The following BIRC3 variants were observed in gnomAD, a reference collection of about 807,000 sequenced individuals.
The protein encoded by BIRC3 is baculoviral IAP repeat-containing protein 3.
Under a neutral mutation model 59.0 loss-of-function variants are expected in BIRC3, and 26 were observed. The observed-to-expected ratio is 0.44, with a 90% confidence interval of 0.32 to 0.61. BIRC3 has a LOEUF of 0.61. BIRC3 is among the 20% of genes least tolerant of loss of function. BIRC3 has a pLI of 0.04. For synonymous variants in BIRC3, 243 were observed against 249.2 expected (o/e 0.98, Z 0.24); for missense variants, 641 against 711.5 (o/e 0.90, Z 1.13).
rs202144370 is a variant in BIRC3 at position 102,328,955 on chromosome 11, A to G, written c.1081+10A>G. ...AATGCAGAGTCATCAAGTAAGTACAATGGATAATAATGAATGCATTTAAAT... is the reference window on the plus strand; with the variant it reads ...AATGCAGAGTCATCAAGTAAGTACAGTGGATAATAATGAATGCATTTAAAT... On this transcript the variant is annotated intron_variant, in intron 5 of 8. Transcript: ENST00000263464. 1.0e-4 allele frequency: 147 copies of G among 1,442,292 alleles called. No homozygotes were observed. In the African/African-American group the frequency reaches 2.1e-3, roughly 21 times the overall value. 89.3% of individuals were successfully genotyped at this position (1,442,292 alleles called of 1,614,324 possible).
At position 102,338,903 on chromosome 11, in the gene BIRC3, G is replaced by A. The variant is rs1951227072; in HGVS notation, c.*1801G>A. ...GAGACAGGAGGGCAGGATAACATCA[G>A]AGAAAAACTTTGCTTCTGAGGCCTT... On this transcript the variant is annotated 3_prime_UTR_variant, in exon 9 of 9. Transcript: ENST00000263464. The A allele has an allele frequency of 9.0e-6, 2 of 221,862 alleles. No individual in the cohort carries two copies. Among genetic ancestry groups the A allele is most frequent in the Non-Finnish European group, 1.8e-5 (2 of 110,922 alleles). The allele number at this position is 221,862 out of a possible 1,614,324, so 13.7% of individuals were successfully genotyped here.
intron 6 of BIRC3, among the ~76,000 whole-genome samples, chr11:102,335,103 G>A (rs553878989): frequency 3.3e-5 from 5 of 152,262 alleles, no homozygotes; most frequent in African/African-American, 1.2e-4. Flanking sequence ...TTAGCTGGAT[G>A]TAGTGGCACA....
intron 1 of BIRC3, among the ~76,000 whole-genome samples, chr11:102,318,958 A>G (rs1210077161): frequency 6.6e-6 from 1 of 152,176 alleles, no homozygotes. Context: ...GACATTAACC[A>G]TACACACATG....
Position 102,328,903 on chromosome 11 carries a change from T to A in BIRC3, c.1039T>A (p.Ser347Thr). 7.4e-7 allele frequency: 1 copy of A among 1,346,830 alleles called. No individual in the cohort carries two copies. Among genetic ancestry groups the A allele is most frequent in the Non-Finnish European group, 9.7e-7 (1 of 1,033,056 alleles). The allele number at this position is 1,346,830 out of a possible 1,614,324, so 83.4% of individuals were successfully genotyped here. ...ATATTTTTTTTTTCTGCAGCTGCTA[T>A]CCACATCAGACAGCCCAGGAGATGA... is the stretch of plus-strand genomic sequence containing the variant. ...SYPHLLEQLL[S>T]TSDSPGDENA... The change falls in exon 5 of 9, where the codon TCC (serine) becomes ACC (threonine). Residue 347 changes from serine to threonine, a missense_variant. Around this residue, in one of 4 missense-constraint regions of BIRC3, gnomAD observed 268 missense variants for 255.7 expected, o/e 1.05. Coordinates refer to ENST00000263464, the MANE Select transcript of BIRC3 (RefSeq NM_001165.5).
At chr11:102,326,462 G>T (rs80273838) in intron 3 of BIRC3, among the ~76,000 whole-genome samples, 124 of 152,264 alleles carry the variant, frequency 8.1e-4, no homozygotes, top group African/African-American at 2.9e-3. Context: ...TATCACGTGG[G>T]TAAGAAACTT....
Position 102,338,219 on chromosome 11 carries a change from G to A in BIRC3, c.*1117G>A, listed in dbSNP as rs1383659555. On this transcript the variant is annotated 3_prime_UTR_variant, in exon 9 of 9. Coordinates refer to ENST00000263464, the MANE Select transcript of BIRC3 (RefSeq NM_001165.5). ...TCCTTTGCTTCTTATAGAGGTATTAGGTCTTCAAGAGCAGAAGTAAGACTG... is the reference window on the plus strand; with the variant it reads ...TCCTTTGCTTCTTATAGAGGTATTAAGTCTTCAAGAGCAGAAGTAAGACTG... 1 of 226,916 alleles carries A rather than the reference G, an allele frequency of 4.4e-6. No homozygotes were observed. The highest frequency in any genetic ancestry group is 8.8e-6 in the Non-Finnish European group (1 of 114,216). The allele number at this position is 226,916 out of a possible 1,614,324, so 14.1% of individuals were successfully genotyped here.
Position 102,325,292 on chromosome 11 carries a change from A to T in BIRC3, c.783A>T (p.Thr261=). ...SMQTHAARFK[T]FFNWPSSVLV... ...AGACACATGCAGCCCGCTTTAAAAC[A>T]TTCTTTAACTGGCCCTCTAGTGTTC... The change falls in exon 2 of 9, where the codon ACA becomes ACT. Residue 261 remains threonine (T), a synonymous_variant. Transcript: ENST00000263464. 6.2e-7 allele frequency: 1 copy of T among 1,614,138 alleles called. No homozygotes were observed. The highest frequency in any genetic ancestry group is 8.5e-7 in the Non-Finnish European group (1 of 1,180,006).
intron 6 of BIRC3, among the ~76,000 whole-genome samples, chr11:102,335,358 G>A (rs1019510425): frequency 2.6e-5 from 4 of 152,188 alleles, no homozygotes; most frequent in Admixed American, 6.5e-5. Context: ...GAATTGAAAC[G>A]TCAATTTTAA....
chr11:102,337,180 G>T lies in BIRC3; in HGVS notation c.*78G>T. ...TAACTTTAACTTTTATCCTAATTTGGTTTCCTTAAAATTTTTATTTATTTA... is the reference window on the plus strand; with the variant it reads ...TAACTTTAACTTTTATCCTAATTTGTTTTCCTTAAAATTTTTATTTATTTA... On this transcript the variant is annotated 3_prime_UTR_variant, in exon 9 of 9. Coordinates refer to ENST00000263464, the MANE Select transcript of BIRC3 (RefSeq NM_001165.5). The T allele has an allele frequency of 8.6e-7, 1 of 1,168,318 alleles. No individual in the cohort carries two copies. 72.4% of individuals were successfully genotyped at this position (1,168,318 alleles called of 1,614,324 possible).
chr11:102,318,881 G>A (rs1233596065), intron 1 of BIRC3, among the ~76,000 whole-genome samples: 2 of 152,158 alleles, frequency 1.3e-5, no homozygotes, highest in African/African-American at 2.4e-5. Flanking sequence ...AGCCATTGGT[G>A]TTATTAACAC....
At chr11:102,325,931 A>G (rs899786479) in intron 3 of BIRC3, among the ~76,000 whole-genome samples, 1 of 152,156 alleles carries the variant, frequency 6.6e-6, no homozygotes, top group Admixed American at 6.5e-5. Flanking sequence ...CCCTCCAGAC[A>G]TATAGAAATA....
intron 6 of BIRC3, among the ~76,000 whole-genome samples, 170 bp downstream of exon 6, chr11:102,331,411 A>T (rs933718392): frequency 6.6e-6 from 1 of 152,192 alleles, no homozygotes; most frequent in Non-Finnish European, 1.5e-5. Flanking sequence ...ATATTCAAAT[A>T]TATTTGAGTT....
chr11:102,331,309 T>A, intron 6 of BIRC3, 68 bp downstream of exon 6: 1 of 1,426,316 alleles, frequency 7.0e-7, no homozygotes, highest in Non-Finnish European at 9.2e-7. Flanking sequence ...TTATGAAAAA[T>A]ATACTCATCT....
At chr11:102,321,470 T>G (rs1033385288) in intron 1 of BIRC3, among the ~76,000 whole-genome samples, 1 of 152,128 alleles carries the variant, frequency 6.6e-6, no homozygotes, top group African/African-American at 2.4e-5. Flanking sequence ...TTCTCCTGCC[T>G]CAGCCTCCGG....
chr11:102,332,064 G>A (rs1188812357), intron 6 of BIRC3, among the ~76,000 whole-genome samples: 3 of 152,160 alleles, frequency 2.0e-5, no homozygotes, highest in East Asian at 1.9e-4. Context: ...CAGAGCATCC[G>A]TCGATTATTT....
rs576823174 is a variant in BIRC3, at chr11:102,319,517, G to A, written c.-2674+1946G>A. ...GTAGGACAGTGTAGGATCCCATAAG[G>A]GGGCAAGTCTTTAACTGAGACAGCA... is the stretch of plus-strand genomic sequence containing the variant. On this transcript the variant is annotated intron_variant, in intron 1 of 8. Coordinates refer to ENST00000263464, the MANE Select transcript of BIRC3 (RefSeq NM_001165.5). Among the ~76,000 whole-genome samples, 5 of 152,284 alleles carry A rather than the reference G, an allele frequency of 3.3e-5. No individual in the cohort carries two copies. In the South Asian group the frequency reaches 1.0e-3, roughly 32 times the overall value.
In BIRC3 at chr11:102,328,921, G is replaced by A. The variant is rs758642472; in HGVS notation, c.1057G>A (p.Gly353Arg). The A allele has an allele frequency of 2.1e-6, 3 of 1,438,416 alleles. No homozygotes were observed. Among genetic ancestry groups the A allele is most frequent in the Non-Finnish European group, 2.7e-6 (3 of 1,094,936 alleles). 89.1% of individuals were successfully genotyped at this position (1,438,416 alleles called of 1,614,324 possible). A position where few individuals can be genotyped will look rare whatever the true frequency, so the allele number is the denominator to read the frequency against. The change falls in exon 5 of 9, where the codon GGA (glycine) becomes AGA (arginine). Residue 353 changes from glycine (G) to arginine (R), a missense_variant. Physicochemically the swap from Gly to Arg is moderately radical, Grantham distance 125. Transcript: ENST00000263464. Reference protein sequence around the residue: ...EQLLSTSDSPGDENAESSIIH... With the variant: ...EQLLSTSDSPRDENAESSIIH... ...GCTGCTATCCACATCAGACAGCCCA[G>A]GAGATGAAAATGCAGAGTCATCAAG...
In BIRC3 at chr11:102,324,683, T is replaced by G. The variant is rs377679122; in HGVS notation, c.174T>G (p.Thr58=). ...RSLARAGFYY[T]GVNDKVKCFC... is the part of the protein sequence containing the mutation. ...TTGCTCGTGCTGGTTTCTATTACAC[T>G]GGTGTGAATGACAAGGTCAAATGCT... Residue 58 remains threonine (T), a synonymous_variant, in exon 2 of 9, where the codon ACT becomes ACG. Coordinates refer to ENST00000263464, the MANE Select transcript of BIRC3 (RefSeq NM_001165.5). 2 of 1,614,188 alleles carry G rather than the reference T, an allele frequency of 1.2e-6. No individual in the cohort carries two copies. The highest frequency in any genetic ancestry group is 1.1e-5 in the South Asian group (1 of 91,090).
rs1951043746 is a variant in BIRC3 at position 102,322,752 on chromosome 11, G to A, written c.-1758G>A. The A allele has an allele frequency of 7.9e-6, 1 of 127,308 alleles. No individual in the cohort carries two copies. 7.9% of individuals were successfully genotyped at this position (127,308 alleles called of 1,614,324 possible). On this transcript the variant is annotated 5_prime_UTR_variant, in exon 2 of 9. Coordinates refer to ENST00000263464, the MANE Select transcript of BIRC3 (RefSeq NM_001165.5). ...AAAAGCCCAACGTCTGTGAGATCCA[G>A]GAAACCATGCTTGCAAACCACTGGT...
Sources: gnomAD v4.1 joint callset for allele counts (sites outside exome capture counted in the v4.1 genomes callset) on GRCh38, gnomAD v4.1.1 for gene constraint, gnomAD v4.1.1 regional missense constraint, MANE v1.5 for transcripts, NCBI Gene and HGNC (gene_info 2026-07-23, HGNC 2026-07-21) for gene names.